SLC2A9: variants seen among roughly 807,000 people sequenced by gnomAD.
SLC2A9 encodes solute carrier family 2 member 9.
Under a neutral mutation model 50.6 loss-of-function variants are expected in SLC2A9, and 39 were observed. The observed-to-expected ratio is 0.77, with a 90% CI of 0.60 to 1.01. The LOEUF is 1.01. Among genes scored for constraint, SLC2A9 ranks in the 50% least tolerant of loss-of-function variants. The pLI, the probability that SLC2A9 is intolerant of heterozygous loss-of-function variation, is 0.00. For synonymous variants in SLC2A9, 324 were observed against 276.9 expected, an observed-to-expected ratio of 1.17 and a Z score of -1.69; for missense variants, 686 against 677.6, an observed-to-expected ratio of 1.01 and a Z score of -0.14.
At chr4:9,987,732 G>A (rs1451922166) in intron 3 of SLC2A9, among the ~76,000 whole-genome samples, 1 of 152,084 alleles carries the variant, frequency 6.6e-6, no homozygotes, top group African/African-American at 2.4e-5. Context: ...GGAGACTGGG[G>A]CAGGAGAACT....
intron 5 of SLC2A9, among the ~76,000 whole-genome samples, chr4:9,969,958 C>T (rs766097218): frequency 2.0e-5 from 3 of 152,050 alleles, no homozygotes; most frequent in Admixed American, 6.5e-5. Context: ...TAGAGACTCA[C>T]GCTATAATTT....
chr4:9,889,184 G>T (rs1018492924), intron 9 of SLC2A9, among the ~76,000 whole-genome samples: 28 of 148,646 alleles, frequency 1.9e-4, no homozygotes, highest in Admixed American at 8.8e-4. Flanking sequence ...GCAGGAAGAG[G>T]TGTCCAGGAA....
chr4:9,880,090 C>T, intron 10 of SLC2A9: 2 of 985,436 alleles, frequency 2.0e-6, no homozygotes, highest in Non-Finnish European at 2.4e-6. Context: ...TGAGCATCTT[C>T]CTGCCACACT....
chr4:9,892,725 T>C (rs1737746296), intron 8 of SLC2A9, among the ~76,000 whole-genome samples: 1 of 152,190 alleles, frequency 6.6e-6, no homozygotes, highest in Non-Finnish European at 1.5e-5. Context: ...GGAAATATAT[T>C]ATTCATTTTA....
intron 8 of SLC2A9, among the ~76,000 whole-genome samples, chr4:9,895,099 G>C (rs1023651364): frequency 6.6e-6 from 1 of 152,202 alleles, no homozygotes; most frequent in African/African-American, 2.4e-5. Context: ...AGTCAGTTGA[G>C]AACCATTATC....
intron 3 of SLC2A9, among the ~76,000 whole-genome samples, chr4:9,803,581 A>C (rs1180882584): frequency 6.6e-6 from 1 of 152,238 alleles, no homozygotes; most frequent in Non-Finnish European, 1.5e-5. Flanking sequence ...TCCACTATCC[A>C]CCAGGAGAGA....
intron 1 of SLC2A9, among the ~76,000 whole-genome samples, chr4:10,030,619 T>A (rs1449604678): frequency 6.6e-6 from 1 of 152,160 alleles, no homozygotes; most frequent in Non-Finnish European, 1.5e-5. Context: ...TTCCTCATAA[T>A]TTTTCTGTGA....
At chr4:9,930,750 T>G (rs2110163652) in intron 6 of SLC2A9, among the ~76,000 whole-genome samples, 1 of 152,334 alleles carries the variant, frequency 6.6e-6, no homozygotes, top group Non-Finnish European at 1.5e-5. Flanking sequence ...GCAAGAGCTC[T>G]GATGTGTGGG....
rs149955569 is a variant in SLC2A9, at chr4:9,888,423, G to A, written c.1216-781C>T. ...TGCCATCTTGCAAGGTGTGAGATGC[G>A]TTAATTCATTTCATGGAATATGTCT... On this transcript the variant is annotated intron_variant, in intron 9 of 11. Transcript: ENST00000264784. 2.7e-3 allele frequency among the ~76,000 whole-genome samples: 405 copies of A among 152,008 alleles called. 2 individuals carry two copies. The highest frequency in any genetic ancestry group is 9.2e-3 in the African/African-American group (380 of 41,448).
At chr4:9,783,377 G>A (rs1381622688) in intron 3 of SLC2A9, 3 of 1,614,112 alleles carry the variant, frequency 1.9e-6, no homozygotes, top group Non-Finnish European at 2.5e-6. Context: ...TGGTGACCCT[G>A]TTGCTGAGTC....
At chr4:9,854,386 CA>C (rs1423292555) in intron 10 of SLC2A9, among the ~76,000 whole-genome samples, 1 of 152,068 alleles carries the variant, frequency 6.6e-6, no homozygotes, top group East Asian at 1.9e-4. Flanking sequence ...TGGAAATATA[CA>C]ACCTCCCAAG....
intron 6 of SLC2A9, among the ~76,000 whole-genome samples, chr4:9,933,134 C>T (rs1419036792): frequency 6.6e-6 from 1 of 152,226 alleles, no homozygotes; most frequent in Non-Finnish European, 1.5e-5. Context: ...TGTAAGACCA[C>T]AGAATCTGGG....
chr4:9,977,353 T>C (rs1754970518), intron 5 of SLC2A9, among the ~76,000 whole-genome samples: 1 of 152,200 alleles, frequency 6.6e-6, no homozygotes, highest in Admixed American at 6.5e-5. Flanking sequence ...GTAATGTCTC[T>C]TGAAAATCAG....
chr4:9,775,335 C>T (rs1717409236), downstream of SLC2A9, among the ~76,000 whole-genome samples: 1 of 152,198 alleles, frequency 6.6e-6, no homozygotes, highest in Non-Finnish European at 1.5e-5. Flanking sequence ...ATGGCTGAGC[C>T]TCAGCCCCCA....
At chr4:9,883,117 GAAC>G (rs1336409453) in intron 10 of SLC2A9, among the ~76,000 whole-genome samples, 2 of 142,346 alleles carry the variant, frequency 1.4e-5, no homozygotes, top group African/African-American at 5.3e-5. Flanking sequence ...TGGCAAAGAA[GAAC>G]AGCAAGCTAT....
chr4:9,924,570 T>C (rs1744556604), intron 6 of SLC2A9, among the ~76,000 whole-genome samples: 1 of 152,170 alleles, frequency 6.6e-6, no homozygotes. Flanking sequence ...GGGGAAGTGA[T>C]GCTTCCTCAA....
chr4:10,038,123 A>T (rs1173705649), intron 1 of SLC2A9, among the ~76,000 whole-genome samples: 3 of 151,790 alleles, frequency 2.0e-5, no homozygotes, highest in African/African-American at 7.3e-5. Flanking sequence ...TCTTGCTTTG[A>T]TTTTTCTCCC....
chr4:9,961,191 C>T (rs1173310215), intron 5 of SLC2A9, among the ~76,000 whole-genome samples: 1 of 152,128 alleles, frequency 6.6e-6, no homozygotes, highest in African/African-American at 2.4e-5. Context: ...TATGCCCCTT[C>T]CCACAGAGAG....
chr4:9,893,600 G>A (rs910463245), intron 8 of SLC2A9, among the ~76,000 whole-genome samples: 22 of 151,842 alleles, frequency 1.4e-4, no homozygotes, highest in Non-Finnish European at 2.5e-4. Flanking sequence ...GAGGGAGGGA[G>A]GGAGACACAG....
Sources: gnomAD v4.1 joint callset for allele counts (sites outside exome capture counted in the v4.1 genomes callset) on GRCh38, gnomAD v4.1.1 for gene constraint, MANE v1.5 for transcripts, NCBI Gene and HGNC (gene_info 2026-07-23, HGNC 2026-07-21) for gene names.